DENND1A: variants seen among roughly 807,000 people sequenced by gnomAD.
DENND1A encodes the protein DENN domain-containing protein 1A.
In DENND1A, 51 loss-of-function variants were observed where a neutral mutation model predicts 113.7. The ratio of observed to expected loss-of-function variants is 0.45; its 90% CI spans 0.36 to 0.57. The LOEUF (loss-of-function observed/expected upper bound fraction) is 0.57. Ranked by LOEUF, DENND1A falls within the 20% of genes least tolerant of loss-of-function variation. DENND1A has a pLI of 0.00. For missense variants in DENND1A, 1,258 were observed against 1,395.9 expected, an observed-to-expected ratio of 0.90 and a Z score of 1.57; for synonymous variants, 565 against 570.8, an observed-to-expected ratio of 0.99 and a Z score of 0.14.
intron 5 of DENND1A, among the ~76,000 whole-genome samples, chr9:123,725,334 TGA>T (rs1427910877): frequency 6.6e-6 from 1 of 152,232 alleles, no homozygotes; most frequent in Non-Finnish European, 1.5e-5. Flanking sequence ...GTCTTTGATG[TGA>T]CTCAGTGCTT....
chr9:123,415,623 G>T (rs954366065), intron 19 of DENND1A, among the ~76,000 whole-genome samples: 1 of 152,132 alleles, frequency 6.6e-6, no homozygotes, highest in Non-Finnish European at 1.5e-5. Flanking sequence ...TGTGTGCAGG[G>T]CCCTCCTGCT....
In DENND1A at chr9:123,846,630, T is replaced by C. The variant is rs769120326; in HGVS notation, c.88+32321A>G. 4.6e-5 allele frequency among the ~76,000 whole-genome samples: 7 copies of C among 152,282 alleles called. No individual in the cohort carries two copies. The East Asian group carries it at 1.2e-3, about 25-fold the overall frequency. Reference sequence around the variant, plus strand: ...CAAATAATATATGATTCCACTTATATGAGGAAACTAGAATAGGCAAATTCA... The same window carrying C: ...CAAATAATATATGATTCCACTTATACGAGGAAACTAGAATAGGCAAATTCA... On this transcript the variant is annotated intron_variant, in intron 2 of 23. Transcript: ENST00000394215.
chr9:123,385,932 A>G (rs767617212), intron 22 of DENND1A, among the ~76,000 whole-genome samples: 1 of 152,198 alleles, frequency 6.6e-6, no homozygotes, highest in Non-Finnish European at 1.5e-5. Flanking sequence ...TGTTCTTTTG[A>G]GCCCATTTTG....
At chr9:123,757,615 A>C in intron 5 of DENND1A, 88 bp downstream of exon 5, 9 of 1,529,430 alleles carry the variant, frequency 5.9e-6, no homozygotes, top group Non-Finnish European at 7.1e-6. Flanking sequence ...AATGAAATGA[A>C]CAGCTGGAAG....
intron 1 of DENND1A, among the ~76,000 whole-genome samples, chr9:123,914,784 G>T (rs979684578): frequency 2.0e-5 from 3 of 151,832 alleles, no homozygotes; most frequent in African/African-American, 7.3e-5. Flanking sequence ...AACTACTAGA[G>T]CAAGAACTCA....
chr9:123,394,684 G>C (rs532034558), intron 21 of DENND1A, among the ~76,000 whole-genome samples: 1 of 152,176 alleles, frequency 6.6e-6, no homozygotes, highest in Non-Finnish European at 1.5e-5. Context: ...GCCCTTCCAC[G>C]ACCACTGGCT....
At chr9:123,736,299 G>A (rs2068558937) in intron 5 of DENND1A, 1 of 152,156 alleles carries the variant, frequency 6.6e-6, no homozygotes, top group Non-Finnish European at 1.5e-5. Flanking sequence ...CATACCCAAA[G>A]TCAGAGTCCA....
chr9:123,411,875 C>T, intron 19 of DENND1A, 46 bp from the exon 20 acceptor site: 1 of 983,268 alleles, frequency 1.0e-6, no homozygotes, highest in Non-Finnish European at 1.2e-6. Context: ...ACTGAGAAGG[C>T]TCAATGCATT....
intron 5 of DENND1A, among the ~76,000 whole-genome samples, chr9:123,679,101 A>C (rs1392884134): frequency 6.6e-6 from 1 of 152,220 alleles, no homozygotes; most frequent in Non-Finnish European, 1.5e-5. Flanking sequence ...GCAGGGGGGA[A>C]AAGGCAAGAA....
intron 12 of DENND1A, among the ~76,000 whole-genome samples, chr9:123,581,423 C>T (rs921356719): frequency 1.3e-5 from 2 of 151,982 alleles, no homozygotes; most frequent in African/African-American, 4.8e-5. Context: ...TGCTTGAGCC[C>T]AGGAGTATGA....
chr9:123,814,058 T>G (rs960353664), intron 2 of DENND1A, among the ~76,000 whole-genome samples: 1 of 152,224 alleles, frequency 6.6e-6, no homozygotes, highest in Non-Finnish European at 1.5e-5. Flanking sequence ...TTTTACATAA[T>G]GTTACATTTA....
chr9:123,794,100 T>G (rs1452630915), intron 2 of DENND1A, among the ~76,000 whole-genome samples: 3 of 152,188 alleles, frequency 2.0e-5, no homozygotes, highest in Non-Finnish European at 4.4e-5. Flanking sequence ...GACCTGTCTT[T>G]GGCCTGAAGG....
rs560954140 is a variant in DENND1A, at chr9:123,462,821, A to T, written c.994-4924T>A. Among the ~76,000 whole-genome samples, 17 of 152,242 alleles carry T rather than the reference A, an allele frequency of 1.1e-4. No homozygotes were observed. The South Asian group carries it at 1.7e-3, about 15-fold the overall frequency. On this transcript the variant is annotated intron_variant, in intron 13 of 23. Transcript: ENST00000394215. ...TCAAAAAATAAAAACAACAAAAAAA[A>T]TAAAATTGGAACCCTTTAGGTTCTC...
intron 9 of DENND1A, among the ~76,000 whole-genome samples, chr9:123,639,039 T>TAAAAAAAAAAA (rs750972974): frequency 2.9e-3 from 94 of 32,018 alleles, no homozygotes; most frequent in African/African-American, 3.3e-3. Flanking sequence ...GCATGAGTAG[T>TAAAAAAAAAAA]AAAAAAAAAA....
At chr9:123,775,256 C>A (rs1830293113) in intron 3 of DENND1A, among the ~76,000 whole-genome samples, 1 of 152,212 alleles carries the variant, frequency 6.6e-6, no homozygotes, top group Non-Finnish European at 1.5e-5. Context: ...TGATCTCTTA[C>A]AATTAGCATT....
chr9:123,719,848 T>G (rs1482608371), intron 5 of DENND1A, among the ~76,000 whole-genome samples: 1 of 152,206 alleles, frequency 6.6e-6, no homozygotes, highest in African/African-American at 2.4e-5. Context: ...ATGTCAGGTG[T>G]GGAATTTCCC....
intron 16 of DENND1A, among the ~76,000 whole-genome samples, chr9:123,453,138 G>A (rs542439740): frequency 6.6e-6 from 1 of 152,220 alleles, no homozygotes; most frequent in Non-Finnish European, 1.5e-5. Flanking sequence ...CACGTCGTGA[G>A]GGTTCTGAAG....
chr9:123,599,793 T>C (rs541362692), intron 11 of DENND1A, among the ~76,000 whole-genome samples: 7 of 152,348 alleles, frequency 4.6e-5, no homozygotes, highest in African/African-American at 1.4e-4. Flanking sequence ...TGCTTACACA[T>C]TGCCCTGGCC....
At chr9:123,382,708 C>CCCATTCCCACACCACTTCTG in intron 23 of DENND1A, 83 bp from the exon 24 acceptor site, 2 of 1,413,090 alleles carry the variant, frequency 1.4e-6, no homozygotes, top group Non-Finnish European at 2.0e-6. Context: ...CTTCTGTGTG[C>CCCATTCCCACACCACTTCTG]TGAATGTGTG....
Sources: gnomAD v4.1 joint callset for allele counts (sites outside exome capture counted in the v4.1 genomes callset) on GRCh38, gnomAD v4.1.1 for gene constraint, MANE v1.5 for transcripts, NCBI Gene and HGNC (gene_info 2026-07-23, HGNC 2026-07-21) for gene names.